Variants in HS3ST4 observed in about 807,000 individuals in gnomAD.
HS3ST4 encodes heparan sulfate glucosamine 3-O-sulfotransferase 4.
In HS3ST4, 17 loss-of-function variants were observed where a neutral mutation model predicts 29.2. That is an observed-to-expected ratio of 0.58 (90% CI 0.40 to 0.87). HS3ST4 has a LOEUF of 0.87. Ranked by LOEUF, HS3ST4 falls within the 40% of genes least tolerant of loss-of-function variation. The probability of loss-of-function intolerance (pLI) is 0.00; values close to 1 mark genes in which losing one functional copy is unlikely to be tolerated. For synonymous variants in HS3ST4, 314 were observed against 285.7 expected, an observed-to-expected ratio of 1.10 and a Z score of -1.00; for missense variants, 627 against 634.5, an observed-to-expected ratio of 0.99 and a Z score of 0.13.
chr16:25,981,422 C>T (rs1447348111), intron 1 of HS3ST4, among the ~76,000 whole-genome samples: 1 of 151,936 alleles, frequency 6.6e-6, no homozygotes, highest in Non-Finnish European at 1.5e-5. Flanking sequence ...TATTTGCTCT[C>T]TTTAGGAACT....
chr16:26,129,635 T>C (rs955632465), intron 1 of HS3ST4, among the ~76,000 whole-genome samples: 1 of 152,240 alleles, frequency 6.6e-6, no homozygotes, highest in South Asian at 2.1e-4. Context: ...ATTAGTATGA[T>C]GCCTGGTTTT....
intron 1 of HS3ST4, among the ~76,000 whole-genome samples, chr16:25,999,063 C>A (rs1183213200): frequency 1.3e-5 from 2 of 151,994 alleles, no homozygotes; most frequent in African/African-American, 4.8e-5. Context: ...AATATCTCTT[C>A]TTCTGTCAGT....
chr16:25,788,242 A>G (rs1198785989), intron 1 of HS3ST4, among the ~76,000 whole-genome samples: 1 of 151,982 alleles, frequency 6.6e-6, no homozygotes, highest in East Asian at 1.9e-4. Context: ...GCGAAAACTT[A>G]TCTTTACTAA....
Position 26,050,282 on chromosome 16 carries a change from G to A in HS3ST4, c.735-85330G>A, listed in dbSNP as rs1403032305. Among the ~76,000 whole-genome samples, 3 of 151,960 alleles carry A rather than the reference G, an allele frequency of 2.0e-5. No individual in the cohort carries two copies. In the East Asian group the frequency reaches 5.8e-4, roughly 29 times the overall value. On this transcript the variant is annotated intron_variant, in intron 1 of 1. Transcript: ENST00000331351. ...GTCATATGCCAGGGAAGAGGTAGAA[G>A]ACTCTCTCTCTCTGTCTCTCTCTCT...
At chr16:25,999,956 C>T (rs1969198939) in intron 1 of HS3ST4, among the ~76,000 whole-genome samples, 1 of 144,434 alleles carries the variant, frequency 6.9e-6, no homozygotes, top group Non-Finnish European at 1.5e-5. Context: ...GTTTAATGGT[C>T]TGTACTGCAA....
At chr16:26,002,797 AAG>A (rs1969223774) in intron 1 of HS3ST4, among the ~76,000 whole-genome samples, 2 of 151,924 alleles carry the variant, frequency 1.3e-5, no homozygotes, top group Non-Finnish European at 2.9e-5. Context: ...AAGAAAAAGA[AAG>A]AAGGAAAGAA....
intron 1 of HS3ST4, among the ~76,000 whole-genome samples, chr16:26,135,094 G>A (rs1159743262): frequency 6.6e-6 from 1 of 151,970 alleles, no homozygotes; most frequent in African/African-American, 2.4e-5. Flanking sequence ...GAGGCAGGAG[G>A]TAGTTTGCCA....
At chr16:26,071,419 G>T (rs1596670922) in intron 1 of HS3ST4, among the ~76,000 whole-genome samples, 1 of 152,246 alleles carries the variant, frequency 6.6e-6, no homozygotes, top group Non-Finnish European at 1.5e-5. Flanking sequence ...GCAGACTCTA[G>T]AGGGAAAAGG....
At chr16:26,089,816 T>G (rs1473530913) in intron 1 of HS3ST4, among the ~76,000 whole-genome samples, 1 of 152,144 alleles carries the variant, frequency 6.6e-6, no homozygotes, top group Non-Finnish European at 1.5e-5. Flanking sequence ...TGAGTTTGAG[T>G]CCTGGCTTGC....
chr16:25,911,499 T>TG (rs1356411345), intron 1 of HS3ST4, among the ~76,000 whole-genome samples: 84 of 61,106 alleles, frequency 1.4e-3, no homozygotes, highest in African/African-American at 3.9e-3. Context: ...TTGTGTGGTT[T>TG]TTTTTTTTTT....
At chr16:26,059,932 C>T (rs1898455393) in intron 1 of HS3ST4, among the ~76,000 whole-genome samples, 1 of 151,986 alleles carries the variant, frequency 6.6e-6, no homozygotes, top group South Asian at 2.1e-4. Flanking sequence ...TGCCTGCCAC[C>T]ACGCCCAGCT....
intron 1 of HS3ST4, among the ~76,000 whole-genome samples, chr16:25,908,019 T>C (rs1968196559): frequency 6.6e-6 from 1 of 152,206 alleles, no homozygotes; most frequent in Non-Finnish European, 1.5e-5. Context: ...TTTCCTTTAG[T>C]TATCCTAAGT....
At chr16:25,878,076 C>T (rs957376833) in intron 1 of HS3ST4, among the ~76,000 whole-genome samples, 2 of 152,066 alleles carry the variant, frequency 1.3e-5, no homozygotes, top group Non-Finnish European at 2.9e-5. Context: ...TCAGACAGAC[C>T]TAAACTCATG....
intron 1 of HS3ST4, among the ~76,000 whole-genome samples, chr16:25,942,975 C>A (rs1336098905): frequency 6.6e-6 from 1 of 152,132 alleles, no homozygotes; most frequent in East Asian, 1.9e-4. Flanking sequence ...TGTTTTCTTT[C>A]TTTATCTTAA....
At chr16:26,099,760 C>T (rs965040275) in intron 1 of HS3ST4, among the ~76,000 whole-genome samples, 5 of 152,020 alleles carry the variant, frequency 3.3e-5, no homozygotes, top group Non-Finnish European at 5.9e-5. Flanking sequence ...TTCTAGTAGG[C>T]GTGGCAGACA....
intron 1 of HS3ST4, among the ~76,000 whole-genome samples, chr16:25,900,871 A>C (rs73515365): frequency 0.033 from 4,973 of 152,168 alleles, 266 homozygotes; most frequent in African/African-American, 0.11. Context: ...TGAAGATTTT[A>C]ATGTAGTCCT....
intron 1 of HS3ST4, among the ~76,000 whole-genome samples, chr16:25,717,780 A>T (rs1966466508): frequency 1.3e-5 from 2 of 152,136 alleles, no homozygotes; most frequent in African/African-American, 4.8e-5. Flanking sequence ...TGGTTTTAGC[A>T]GAGGGGTGGC....
chr16:25,935,552 T>C (rs1596619257), intron 1 of HS3ST4, among the ~76,000 whole-genome samples: 2 of 152,190 alleles, frequency 1.3e-5, no homozygotes, highest in East Asian at 3.9e-4. Context: ...GAATGTCATA[T>C]AGTTGGAAAC....
chr16:25,830,427 T>C (rs1411527284), intron 1 of HS3ST4, among the ~76,000 whole-genome samples: 1 of 152,216 alleles, frequency 6.6e-6, no homozygotes, highest in Non-Finnish European at 1.5e-5. Flanking sequence ...CATCTTCTGC[T>C]TACAGGTTCT....
Sources: allele counts gnomAD v4.1 joint callset (sites outside exome capture counted in the v4.1 genomes callset), GRCh38; gene constraint gnomAD v4.1.1; transcripts MANE v1.5; gene names NCBI Gene and HGNC (gene_info 2026-07-23, HGNC 2026-07-21).